The following RPH3A variants were observed in gnomAD, a reference collection of about 807,000 sequenced individuals.
RPH3A encodes rabphilin-3A.
Under a neutral mutation model 102.2 loss-of-function variants are expected in RPH3A, and 48 were observed. The observed-to-expected ratio is 0.47, with a 90% CI of 0.37 to 0.60. RPH3A has a LOEUF of 0.60. Ranked by LOEUF, RPH3A falls within the 20% of genes least tolerant of loss-of-function variation. The probability of loss-of-function intolerance (pLI) is 0.00; values close to 1 mark genes in which losing one functional copy is unlikely to be tolerated. For synonymous variants in RPH3A, 310 were observed against 324.3 expected (o/e 0.96, Z 0.47); for missense variants, 781 against 910.1 (o/e 0.86, Z 1.83).
At chr12:112,760,148 G>A (rs769395220) in intron 1 of RPH3A, among the ~76,000 whole-genome samples, 46 of 152,138 alleles carry the variant, frequency 3.0e-4, no homozygotes, top group Non-Finnish European at 5.0e-4. Context: ...GATTTTAAGC[G>A]TGGGTATTCT....
At chr12:112,793,766 A>G (rs1171569330) in intron 2 of RPH3A, among the ~76,000 whole-genome samples, 1 of 152,134 alleles carries the variant, frequency 6.6e-6, no homozygotes, top group East Asian at 1.9e-4. Context: ...ATTTGGTACT[A>G]ATCGATCAGA....
At chr12:112,615,341 C>T (rs973530203) in intron 1 of RPH3A, among the ~76,000 whole-genome samples, 1 of 152,154 alleles carries the variant, frequency 6.6e-6, no homozygotes, top group Non-Finnish European at 1.5e-5. Flanking sequence ...GGCACCACCT[C>T]CTTGGGGCCT....
At chr12:112,682,897 C>T (rs1348148377) in intron 1 of RPH3A, among the ~76,000 whole-genome samples, 1 of 152,214 alleles carries the variant, frequency 6.6e-6, no homozygotes, top group Non-Finnish European at 1.5e-5. Context: ...GTCTCCCACT[C>T]CTTATCTGGC....
intron 1 of RPH3A, among the ~76,000 whole-genome samples, chr12:112,722,223 T>A (rs2040556477): frequency 6.6e-6 from 1 of 152,176 alleles, no homozygotes; most frequent in Non-Finnish European, 1.5e-5. Flanking sequence ...AGAGATCACA[T>A]GAGAATTGGT....
chr12:112,724,336 C>A (rs1362382302), intron 1 of RPH3A, among the ~76,000 whole-genome samples: 2 of 152,102 alleles, frequency 1.3e-5, no homozygotes, highest in East Asian at 1.9e-4. Context: ...AAGTGCTGGA[C>A]TTACAGGCAT....
intron 1 of RPH3A, among the ~76,000 whole-genome samples, chr12:112,621,241 C>A (rs1478547775): frequency 1.3e-5 from 2 of 151,954 alleles, no homozygotes; most frequent in African/African-American, 2.4e-5. Context: ...CGGTCTACAG[C>A]TCCCAGCGTG....
chr12:112,679,010 G>T (rs147073905), intron 1 of RPH3A, among the ~76,000 whole-genome samples: 102 of 152,218 alleles, frequency 6.7e-4, no homozygotes, highest in Non-Finnish European at 1.1e-3. Context: ...GCAAACATCA[G>T]AATGCCAACT....
intron 1 of RPH3A, among the ~76,000 whole-genome samples, chr12:112,755,156 T>C (rs2040813630): frequency 1.3e-5 from 2 of 152,298 alleles, no homozygotes; most frequent in East Asian, 1.9e-4. Context: ...TCAAAAGGTA[T>C]ACAGTGGAAT....
At chr12:112,744,587 G>A (rs754647908) in intron 1 of RPH3A, among the ~76,000 whole-genome samples, 2 of 152,184 alleles carry the variant, frequency 1.3e-5, no homozygotes, top group African/African-American at 2.4e-5. Flanking sequence ...TCAAGAATTT[G>A]TGTGTGCCAG....
At chr12:112,756,957 T>C (rs1308122215) in intron 1 of RPH3A, among the ~76,000 whole-genome samples, 1 of 152,200 alleles carries the variant, frequency 6.6e-6, no homozygotes, top group African/African-American at 2.4e-5. Context: ...TTCAGTGTAG[T>C]TTTACTTTGC....
chr12:112,660,802 G>T (rs1255349131), intron 1 of RPH3A, among the ~76,000 whole-genome samples: 1 of 152,160 alleles, frequency 6.6e-6, no homozygotes, highest in African/African-American at 2.4e-5. Context: ...GTGGAGGAGG[G>T]GTTCAAATCT....
intron 1 of RPH3A, among the ~76,000 whole-genome samples, chr12:112,703,386 C>T (rs912247355): frequency 1.3e-5 from 2 of 152,154 alleles, no homozygotes; most frequent in Non-Finnish European, 2.9e-5. Flanking sequence ...ATAGACTTTC[C>T]CATCCTTAGT....
chr12:112,869,044 TACTGC>T (rs1291318181), intron 8 of RPH3A: 1 of 155,388 alleles, frequency 6.4e-6, no homozygotes, highest in Non-Finnish European at 1.4e-5. Context: ...AAAAGAAAAT[TACTGC>T]TACTAAATTG....
At chr12:112,876,128 G>A (rs1246436220) in intron 12 of RPH3A, among the ~76,000 whole-genome samples, 1 of 152,078 alleles carries the variant, frequency 6.6e-6, no homozygotes, top group African/African-American at 2.4e-5. Context: ...CTTGGTGGGT[G>A]GCCTGGAATA....
At chr12:112,800,540 G>T (rs1163163772) in intron 2 of RPH3A, among the ~76,000 whole-genome samples, 2 of 152,136 alleles carry the variant, frequency 1.3e-5, no homozygotes, top group African/African-American at 4.8e-5. Context: ...AATTTACAAT[G>T]TTAGTAATGA....
At chr12:112,865,818 G>A (rs557420407) in intron 6 of RPH3A, among the ~76,000 whole-genome samples, 1 of 152,306 alleles carries the variant, frequency 6.6e-6, no homozygotes, top group Admixed American at 6.5e-5. Context: ...CAGAACATGA[G>A]CAATGATTGA....
intron 8 of RPH3A, chr12:112,869,526 C>A (rs2042668927): frequency 1.9e-6 from 1 of 538,416 alleles, no homozygotes; most frequent in African/African-American, 1.9e-5. Context: ...GGCTGTATAG[C>A]ATAATTGTTC....
chr12:112,875,845 A>G (rs2042789325), intron 12 of RPH3A, 104 bp downstream of exon 12: 1 of 951,352 alleles, frequency 1.1e-6, no homozygotes, highest in South Asian at 1.5e-5. Flanking sequence ...CTGCACCCTG[A>G]GACCTGTCTG....
At chr12:112,677,280 C>T (rs2040182773) in intron 1 of RPH3A, among the ~76,000 whole-genome samples, 1 of 151,926 alleles carries the variant, frequency 6.6e-6, no homozygotes, top group African/African-American at 2.4e-5. Context: ...CCATGGGACC[C>T]AGTGTCAAGA....
Sources: allele counts gnomAD v4.1 joint callset (sites outside exome capture counted in the v4.1 genomes callset), GRCh38; gene constraint gnomAD v4.1.1; transcripts MANE v1.5; gene names NCBI Gene and HGNC (gene_info 2026-07-23, HGNC 2026-07-21).